The following SIPA1L1 variants were observed in gnomAD, a reference collection of about 807,000 sequenced individuals.
SIPA1L1 encodes signal-induced proliferation-associated 1-like protein 1.
SIPA1L1 carries 26 observed loss-of-function variants against 162.7 expected under a neutral mutation model. The ratio of observed to expected loss-of-function variants is 0.16; its 90% CI spans 0.12 to 0.22. SIPA1L1 has a LOEUF of 0.22. SIPA1L1 is among the 10% of genes least tolerant of loss of function. SIPA1L1 has a pLI of 1.00. For synonymous variants in SIPA1L1, 829 were observed against 837.4 expected, an observed-to-expected ratio of 0.99 and a Z score of 0.17; for missense variants, 1,874 against 2,241.0, an observed-to-expected ratio of 0.84 and a Z score of 3.31.
At chr14:71,472,759 T>C (rs1045098647) in intron 2 of SIPA1L1, among the ~76,000 whole-genome samples, 1 of 148,672 alleles carries the variant, frequency 6.7e-6, no homozygotes, top group Admixed American at 6.9e-5. Flanking sequence ...ATGTGAACTT[T>C]GTAAAAAATA....
At chr14:71,720,654 G>C (rs1030889424) in intron 17 of SIPA1L1, among the ~76,000 whole-genome samples, 1 of 151,768 alleles carries the variant, frequency 6.6e-6, no homozygotes, top group African/African-American at 2.4e-5. Flanking sequence ...TTTCTACTGT[G>C]ACTGTGTATT....
At chr14:71,686,078 C>T (rs1028123487) in intron 13 of SIPA1L1, among the ~76,000 whole-genome samples, 4 of 152,016 alleles carry the variant, frequency 2.6e-5, no homozygotes, top group African/African-American at 4.8e-5. Flanking sequence ...AAGGATTATG[C>T]GGAAGGAAAA....
chr14:71,402,750 T>A (rs2041766747), intron 2 of SIPA1L1, among the ~76,000 whole-genome samples: 1 of 152,198 alleles, frequency 6.6e-6, no homozygotes, highest in South Asian at 2.1e-4. Context: ...ATGTAAAGAA[T>A]ATGTGCCTGG....
At chr14:71,346,529 A>G (rs894438055) in intron 2 of SIPA1L1, among the ~76,000 whole-genome samples, 10 of 152,182 alleles carry the variant, frequency 6.6e-5, no homozygotes, top group Admixed American at 2.6e-4. Flanking sequence ...GCAGAACTGT[A>G]GAAGAGAGTA....
chr14:71,429,505 A>AT (rs958956286), intron 2 of SIPA1L1, among the ~76,000 whole-genome samples: 16 of 148,738 alleles, frequency 1.1e-4, no homozygotes, highest in East Asian at 4.0e-4. Context: ...ATGGGGATTG[A>AT]TTTTTTTTTT....
intron 17 of SIPA1L1, among the ~76,000 whole-genome samples, chr14:71,714,875 C>T (rs1259406022): frequency 6.6e-6 from 1 of 152,218 alleles, no homozygotes; most frequent in Non-Finnish European, 1.5e-5. Flanking sequence ...AGCCACTGAG[C>T]CTGGCCCACA....
In SIPA1L1 at chr14:71,740,795, T is replaced by C. The variant is rs1189191885; in HGVS notation, c.*1634T>C. 1 of 152,226 alleles carries C rather than the reference T, an allele frequency of 6.6e-6. No homozygotes were observed. Among genetic ancestry groups the C allele is most frequent in the Admixed American group, 6.5e-5 (1 of 15,286 alleles). 9.4% of individuals were successfully genotyped at this position (152,226 alleles called of 1,614,324 possible). A position where few individuals can be genotyped will look rare whatever the true frequency, so the allele number is the denominator to read the frequency against. On this transcript the variant is annotated 3_prime_UTR_variant, in exon 24 of 24. Transcript: ENST00000381232. ...GATTTCAATTGTCTGTCTCTTTCTC[T>C]CTTTGACTTGTATGAAGGAGATTGT... is the stretch of plus-strand genomic sequence containing the variant.
At chr14:71,648,312 A>ATG (rs1458790772) in intron 7 of SIPA1L1, among the ~76,000 whole-genome samples, 5 of 152,170 alleles carry the variant, frequency 3.3e-5, no homozygotes, top group African/African-American at 4.8e-5. Context: ...ATATATATAT[A>ATG]TCCAGGAACC....
At chr14:71,431,672 CA>C (rs1163716427) in intron 2 of SIPA1L1, among the ~76,000 whole-genome samples, 2 of 151,886 alleles carry the variant, frequency 1.3e-5, no homozygotes, top group Non-Finnish European at 2.9e-5. Flanking sequence ...CCAGCCTGGG[CA>C]ACAGAGGCAA....
chr14:71,577,595 T>G (rs2033263471), intron 4 of SIPA1L1, among the ~76,000 whole-genome samples: 1 of 152,084 alleles, frequency 6.6e-6, no homozygotes. Flanking sequence ...GCCAGGCTGG[T>G]CTTGAACTCC....
chr14:71,720,470 A>G (rs541147521), intron 17 of SIPA1L1, among the ~76,000 whole-genome samples: 7 of 152,250 alleles, frequency 4.6e-5, no homozygotes, highest in South Asian at 2.1e-4. Flanking sequence ...AATCACAGCT[A>G]CTTAGGAGGC....
At chr14:71,725,523 C>G (rs1343793415) in intron 19 of SIPA1L1, among the ~76,000 whole-genome samples, 1 of 152,186 alleles carries the variant, frequency 6.6e-6, no homozygotes, top group East Asian at 1.9e-4. Context: ...TCCTGAATAC[C>G]TGTCCAGTGT....
At chr14:71,657,137 CA>C (rs1436347996) in intron 8 of SIPA1L1, among the ~76,000 whole-genome samples, 1 of 151,996 alleles carries the variant, frequency 6.6e-6, no homozygotes, top group East Asian at 1.9e-4. Context: ...ATCACAAGGT[CA>C]GGAGATTGAG....
At chr14:71,561,032 A>G (rs1247922634) in intron 4 of SIPA1L1, among the ~76,000 whole-genome samples, 1 of 152,200 alleles carries the variant, frequency 6.6e-6, no homozygotes, top group Non-Finnish European at 1.5e-5. Flanking sequence ...TTTGAAAGCT[A>G]TTTAATGAAT....
intron 20 of SIPA1L1, among the ~76,000 whole-genome samples, chr14:71,732,570 A>T (rs1047118098): frequency 1.3e-5 from 2 of 152,278 alleles, no homozygotes; most frequent in African/African-American, 4.8e-5. Context: ...TGCCAAGCAG[A>T]TCTTAGTTGT....
chr14:71,569,894 A>G (rs537069252), intron 4 of SIPA1L1, among the ~76,000 whole-genome samples: 1 of 152,124 alleles, frequency 6.6e-6, no homozygotes, highest in African/African-American at 2.4e-5. Flanking sequence ...TTCTTTAGAC[A>G]CTACTGTTGA....
intron 2 of SIPA1L1, among the ~76,000 whole-genome samples, chr14:71,396,305 G>A (rs146068555): frequency 9.2e-5 from 14 of 152,294 alleles, no homozygotes; most frequent in African/African-American, 3.1e-4. Context: ...TATATAGTGA[G>A]TGTGGGGAAG....
intron 2 of SIPA1L1, among the ~76,000 whole-genome samples, chr14:71,491,345 G>A (rs2049231875): frequency 6.6e-6 from 1 of 151,988 alleles, no homozygotes; most frequent in Non-Finnish European, 1.5e-5. Context: ...TTCCCCTTGA[G>A]CCCCTTCTAT....
chr14:71,466,498 A>G (rs895946473), intron 2 of SIPA1L1, among the ~76,000 whole-genome samples: 1 of 151,998 alleles, frequency 6.6e-6, no homozygotes. Context: ...GCTTCAGTTG[A>G]TAACTCTCAA....
Sources: allele counts gnomAD v4.1 joint callset (sites outside exome capture counted in the v4.1 genomes callset), GRCh38; gene constraint gnomAD v4.1.1; transcripts MANE v1.5; gene names NCBI Gene and HGNC (gene_info 2026-07-23, HGNC 2026-07-21).